The following SCOC variants were observed in gnomAD, a reference collection of about 807,000 sequenced individuals.
The protein encoded by SCOC is short coiled-coil protein, also known as short coiled coil protein.
In SCOC, 7 loss-of-function variants were observed where a neutral mutation model predicts 9.9. That is an observed-to-expected ratio of 0.71 (90% CI 0.40 to 1.33). SCOC has a LOEUF of 1.33. Among genes scored for constraint, SCOC ranks in the 40% most tolerant of loss-of-function variants. The pLI is 0.01. For missense variants in SCOC, 66 were observed against 89.7 expected (o/e 0.74, Z 1.07); for synonymous variants, 19 against 28.2 (o/e 0.67, Z 1.03).
At chr4:140,366,906 T>C in intron 2 of SCOC, 2 of 637,070 alleles carry the variant, frequency 3.1e-6, no homozygotes, top group African/African-American at 1.8e-5. Flanking sequence ...TGCATTCTTT[T>C]ATAAAATATT....
chr4:140,310,383 C>T (rs1341290664), intron 1 of SCOC, among the ~76,000 whole-genome samples: 1 of 152,202 alleles, frequency 6.6e-6, no homozygotes. Context: ...GTTATGGGTG[C>T]ATTACCAGCT....
Position 140,385,507 on chromosome 4 carries a change from A to G in SCOC, c.*4403A>G, listed in dbSNP as rs184009293. 7.2e-5 allele frequency: 11 copies of G among 152,330 alleles called. No individual in the cohort carries two copies. The highest frequency in any genetic ancestry group is 3.9e-4 in the Admixed American group (6 of 15,302). 9.4% of individuals were successfully genotyped at this position (152,330 alleles called of 1,614,324 possible). ...ATTGTAGCAACAAAACCTTTTGTAG[A>G]AGAGTAACCAAAATCATGTATGCAT... is the stretch of plus-strand genomic sequence containing the variant. On this transcript the variant is annotated 3_prime_UTR_variant, in exon 4 of 4. Coordinates refer to ENST00000608372, the MANE Select transcript of SCOC (RefSeq NM_001153484.2).
At chr4:140,352,719 A>C (rs1351463778) in intron 2 of SCOC, among the ~76,000 whole-genome samples, 2 of 152,372 alleles carry the variant, frequency 1.3e-5, no homozygotes, top group Admixed American at 1.3e-4. Context: ...TAATTTTCTC[A>C]GCAAAGGATA....
intron 2 of SCOC, among the ~76,000 whole-genome samples, chr4:140,364,801 C>T (rs911383102): frequency 6.6e-6 from 1 of 152,162 alleles, no homozygotes; most frequent in Non-Finnish European, 1.5e-5. Flanking sequence ...TTGGACAGTG[C>T]CTCTGGCCAC....
chr4:140,288,873 C>A (rs1381186839), intron 1 of SCOC, among the ~76,000 whole-genome samples: 1 of 151,976 alleles, frequency 6.6e-6, no homozygotes, highest in Admixed American at 6.6e-5. Context: ...AAAACACACC[C>A]CCATACCACA....
At chr4:140,284,397 C>T (rs1731172567) in intron 1 of SCOC, 1 of 152,170 alleles carries the variant, frequency 6.6e-6, no homozygotes, top group South Asian at 2.1e-4. Context: ...TGGTTCAGAA[C>T]TCTGCTTCTC....
intron 1 of SCOC, chr4:140,314,248 T>A (rs185242326): frequency 1.2e-3 from 236 of 201,992 alleles, no homozygotes; most frequent in African/African-American, 5.0e-3. Context: ...GAAAACATAA[T>A]ACTAGAAGAA....
chr4:140,281,546 C>T (rs1731097335), intron 1 of SCOC, among the ~76,000 whole-genome samples: 1 of 152,190 alleles, frequency 6.6e-6, no homozygotes, highest in Non-Finnish European at 1.5e-5. Flanking sequence ...CATACTTAGG[C>T]AGCGCTGTTA....
chr4:140,334,309 G>A (rs1021472532), intron 1 of SCOC, among the ~76,000 whole-genome samples: 4 of 152,166 alleles, frequency 2.6e-5, no homozygotes, highest in Non-Finnish European at 5.9e-5. Context: ...TGTCTTCTAA[G>A]AGAATATCCA....
intron 1 of SCOC, among the ~76,000 whole-genome samples, chr4:140,296,937 C>T (rs374250960): frequency 2.0e-5 from 3 of 152,260 alleles, no homozygotes; most frequent in East Asian, 1.9e-4. Context: ...TTACCTATTT[C>T]TCTCCTGGCT....
intron 1 of SCOC, among the ~76,000 whole-genome samples, chr4:140,336,451 T>C (rs1732960191): frequency 6.6e-6 from 1 of 152,186 alleles, no homozygotes; most frequent in Non-Finnish European, 1.5e-5. Context: ...CTTTTCCAGA[T>C]ATATCATGTA....
chr4:140,349,680 C>G (rs1726894163), intron 2 of SCOC, among the ~76,000 whole-genome samples: 1 of 152,186 alleles, frequency 6.6e-6, no homozygotes, highest in South Asian at 2.1e-4. Context: ...ACAATCTGAT[C>G]AATCACCAAT....
At chr4:140,363,529 A>C (rs1199650331) in intron 2 of SCOC, among the ~76,000 whole-genome samples, 1 of 152,234 alleles carries the variant, frequency 6.6e-6, no homozygotes, top group African/African-American at 2.4e-5. Flanking sequence ...AAAAGTTACA[A>C]TTTATCAAAA....
intron 1 of SCOC, among the ~76,000 whole-genome samples, chr4:140,282,423 T>C (rs1342001457): frequency 6.6e-6 from 1 of 152,228 alleles, no homozygotes; most frequent in Non-Finnish European, 1.5e-5. Flanking sequence ...GATAATTTAT[T>C]GAGATACTAA....
intron 2 of SCOC, among the ~76,000 whole-genome samples, chr4:140,346,108 T>C (rs964706375): frequency 6.6e-6 from 1 of 152,186 alleles, no homozygotes; most frequent in African/African-American, 2.4e-5. Context: ...GGGCATTCCA[T>C]CTGAGCACCC....
intron 1 of SCOC, among the ~76,000 whole-genome samples, chr4:140,299,675 C>T (rs1442267082): frequency 4.6e-5 from 7 of 152,122 alleles, no homozygotes; most frequent in Admixed American, 3.3e-4. Flanking sequence ...ATTGTAACGT[C>T]GTTTGTCTTT....
chr4:140,332,650 T>C (rs1246044073), intron 1 of SCOC, among the ~76,000 whole-genome samples: 1 of 152,124 alleles, frequency 6.6e-6, no homozygotes, highest in African/African-American at 2.4e-5. Flanking sequence ...GTGCTGGGAT[T>C]ACAGGCATAA....
intron 2 of SCOC, among the ~76,000 whole-genome samples, chr4:140,352,762 C>CA (rs1727035342): frequency 6.6e-6 from 1 of 152,048 alleles, no homozygotes; most frequent in Non-Finnish European, 1.5e-5. Context: ...CTTTCAAAGA[C>CA]AAAAAACATC....
intron 1 of SCOC, among the ~76,000 whole-genome samples, chr4:140,325,646 C>T (rs2137267): frequency 0.42 from 63,954 of 151,888 alleles, 16,005 homozygotes; most frequent in African/African-American, 0.69. Flanking sequence ...TAGCACTACA[C>T]ACCTATCAGA....
Sources: gnomAD v4.1 joint callset for allele counts (sites outside exome capture counted in the v4.1 genomes callset) on GRCh38, gnomAD v4.1.1 for gene constraint, MANE v1.5 for transcripts, NCBI Gene and HGNC (gene_info 2026-07-23, HGNC 2026-07-21) for gene names.